The following RBFOX1 variants were observed in gnomAD, a reference collection of about 807,000 sequenced individuals.
RBFOX1 encodes the protein RNA binding protein fox-1 homolog 1.
Under a neutral mutation model 57.7 loss-of-function variants are expected in RBFOX1, and 8 were observed. The ratio of observed to expected loss-of-function variants is 0.14; its 90% confidence interval spans 0.08 to 0.25. The LOEUF (loss-of-function observed/expected upper bound fraction) is 0.25. Among genes scored for constraint, RBFOX1 ranks in the 10% least tolerant of loss-of-function variants. The pLI, the probability that RBFOX1 is intolerant of heterozygous loss-of-function variation, is 1.00. For synonymous variants in RBFOX1, 326 were observed against 222.4 expected, an observed-to-expected ratio of 1.47 and a Z score of -4.15; for missense variants, 611 against 548.5, an observed-to-expected ratio of 1.11 and a Z score of -1.14.
chr16:7,101,410 G>T (rs73542432), intron 4 of RBFOX1, among the ~76,000 whole-genome samples: 5 of 152,140 alleles, frequency 3.3e-5, no homozygotes, highest in Admixed American at 6.5e-5. Context: ...TTTCGTTCCA[G>T]AGTCTTGGTA....
intron 4 of RBFOX1, among the ~76,000 whole-genome samples, chr16:7,087,109 C>G (rs1270942634): frequency 7.2e-5 from 11 of 152,126 alleles, no homozygotes; most frequent in Non-Finnish European, 1.5e-5. Flanking sequence ...CTGGGGAGGC[C>G]TTGACCTGAC....
intron 3 of RBFOX1, among the ~76,000 whole-genome samples, chr16:6,892,430 G>A (rs2065673889): frequency 6.6e-6 from 1 of 152,150 alleles, no homozygotes; most frequent in South Asian, 2.1e-4. Flanking sequence ...AGCACTTTAG[G>A]AGGCCGAAGT....
intron 2 of RBFOX1, among the ~76,000 whole-genome samples, chr16:6,329,551 G>T (rs2082760648): frequency 6.6e-6 from 1 of 152,180 alleles, no homozygotes; most frequent in Non-Finnish European, 1.5e-5. Context: ...AAAGGCGATT[G>T]TCTTCATCAG....
At chr16:5,464,554 C>T (rs1469365212) in intron 1 of RBFOX1, among the ~76,000 whole-genome samples, 2 of 152,222 alleles carry the variant, frequency 1.3e-5, no homozygotes, top group Non-Finnish European at 2.9e-5. Context: ...GCATCATCTC[C>T]TTCTCCTTCA....
chr16:6,543,849 G>A (rs987663334), intron 2 of RBFOX1, among the ~76,000 whole-genome samples: 2 of 152,046 alleles, frequency 1.3e-5, no homozygotes, highest in African/African-American at 4.8e-5. Context: ...ACACCTGCAT[G>A]AAAAAAACCA....
chr16:6,420,012 T>A (rs76955296), intron 2 of RBFOX1, among the ~76,000 whole-genome samples: 2,795 of 152,236 alleles, frequency 0.018, 34 homozygotes, highest in Middle Eastern at 0.065. Flanking sequence ...TTAAAAATCT[T>A]AATGGATCCC....
chr16:7,607,232 T>C (rs745619173), intron 9 of RBFOX1, 53 bp from the exon 10 acceptor site: 78 of 1,478,816 alleles, frequency 5.3e-5, no homozygotes, highest in Non-Finnish European at 7.0e-5. Context: ...TTTGCAATTA[T>C]ATAAGATGTT....
intron 1 of RBFOX1, among the ~76,000 whole-genome samples, chr16:6,287,031 A>T (rs1045506309): frequency 2.0e-5 from 3 of 152,084 alleles, no homozygotes. Flanking sequence ...GCCTACAGAG[A>T]TCTACAGATT....
intron 4 of RBFOX1, among the ~76,000 whole-genome samples, chr16:7,140,337 G>A (rs2073426808): frequency 2.6e-5 from 3 of 117,310 alleles, no homozygotes; most frequent in East Asian, 2.7e-4. Flanking sequence ...ACCACACAAA[G>A]TTTCTTTTCC....
Position 7,713,012 on chromosome 16 carries a change from G to T in RBFOX1, c.*2267G>T, listed in dbSNP as rs377217078. 1 of 152,192 alleles carries T rather than the reference G, an allele frequency of 6.6e-6. No individual in the cohort carries two copies. Among genetic ancestry groups the T allele is most frequent in the South Asian group, 2.1e-4 (1 of 4,832 alleles). The allele number at this position is 152,192 out of a possible 1,614,324, so 9.4% of individuals were successfully genotyped here. A position where few individuals can be genotyped will look rare whatever the true frequency, so the allele number is the denominator to read the frequency against. On this transcript the variant is annotated 3_prime_UTR_variant, in exon 16 of 16. Transcript: ENST00000550418. ...TGAGTGAGTGCCAACCGATGTTGCAGAATCTTTTGTCTAGGCACTCCAAGA... is the reference window on the plus strand; with the variant it reads ...TGAGTGAGTGCCAACCGATGTTGCATAATCTTTTGTCTAGGCACTCCAAGA...
At chr16:7,142,863 A>AT (rs1269062270) in intron 4 of RBFOX1, among the ~76,000 whole-genome samples, 3 of 151,188 alleles carry the variant, frequency 2.0e-5, no homozygotes, top group Non-Finnish European at 4.4e-5. Context: ...ATTTTCTCTT[A>AT]TTTTTCTTCT....
intron 3 of RBFOX1, among the ~76,000 whole-genome samples, chr16:6,948,165 C>T (rs2079942170): frequency 6.6e-6 from 1 of 151,992 alleles, no homozygotes; most frequent in South Asian, 2.1e-4. Context: ...GGCATGGTGG[C>T]TCATACCTGT....
At chr16:6,384,011 C>G (rs761827028) in intron 2 of RBFOX1, among the ~76,000 whole-genome samples, 1 of 151,020 alleles carries the variant, frequency 6.6e-6, no homozygotes, top group Non-Finnish European at 1.5e-5. Context: ...CTCTTTCTAC[C>G]CTGAAATGTT....
chr16:6,813,981 G>A (rs536795735), intron 3 of RBFOX1, among the ~76,000 whole-genome samples: 64 of 152,258 alleles, frequency 4.2e-4, no homozygotes, highest in Non-Finnish European at 6.3e-4. Flanking sequence ...TCTCATCATG[G>A]CACTGGCAAT....
At chr16:6,803,269 C>T (rs1179094219) in intron 3 of RBFOX1, among the ~76,000 whole-genome samples, 1 of 152,148 alleles carries the variant, frequency 6.6e-6, no homozygotes, top group African/African-American at 2.4e-5. Flanking sequence ...GTGCAAACTT[C>T]AATTTTCAGG....
chr16:7,569,136 T>G (rs2092484458), intron 5 of RBFOX1, among the ~76,000 whole-genome samples: 1 of 152,106 alleles, frequency 6.6e-6, no homozygotes, highest in Non-Finnish European at 1.5e-5. Context: ...CCATTGACAG[T>G]GATGAAAATG....
intron 3 of RBFOX1, among the ~76,000 whole-genome samples, chr16:6,994,677 C>G (rs1346599993): frequency 2.0e-5 from 3 of 152,166 alleles, no homozygotes; most frequent in Admixed American, 2.0e-4. Context: ...TTATGCCTCT[C>G]CACCCGAAAG....
intron 2 of RBFOX1, among the ~76,000 whole-genome samples, chr16:5,484,848 A>G (rs1435980966): frequency 6.6e-6 from 1 of 151,128 alleles, no homozygotes; most frequent in African/African-American, 2.4e-5. Flanking sequence ...GGAGCCAGAG[A>G]TCGTGTCACT....
intron 3 of RBFOX1, among the ~76,000 whole-genome samples, chr16:6,793,404 G>C (rs981943473): frequency 1.3e-5 from 2 of 151,890 alleles, no homozygotes; most frequent in South Asian, 4.2e-4. Context: ...CAGGAGGGTG[G>C]GACATTCTTA....
Sources: gnomAD v4.1 joint callset for allele counts (sites outside exome capture counted in the v4.1 genomes callset) on GRCh38, gnomAD v4.1.1 for gene constraint, MANE v1.5 for transcripts, NCBI Gene and HGNC (gene_info 2026-07-23, HGNC 2026-07-21) for gene names.